MORC3: variants seen among roughly 807,000 people sequenced by gnomAD.
MORC3 encodes the protein MORC family CW-type zinc finger 3, also known as MORC family CW-type zinc finger protein 3.
Under a neutral mutation model 109.1 loss-of-function variants are expected in MORC3, and 31 were observed. That is an observed-to-expected ratio of 0.28 (90% CI 0.21 to 0.38). MORC3 has a LOEUF of 0.38. MORC3 is among the 10% of genes least tolerant of loss of function. The probability of loss-of-function intolerance (pLI) is 1.00; values close to 1 mark genes in which losing one functional copy is unlikely to be tolerated. For missense variants in MORC3, 867 were observed against 1,135.8 expected (o/e 0.76, Z 3.40); for synonymous variants, 395 against 380.7 (o/e 1.04, Z -0.44).
At chr21:36,354,950 A>G (rs1039214402) in intron 9 of MORC3, among the ~76,000 whole-genome samples, 4 of 152,110 alleles carry the variant, frequency 2.6e-5, no homozygotes, top group South Asian at 2.1e-4. Context: ...TATATCCACA[A>G]TCTCTCTGAT....
At position 36,337,943 on chromosome 21, in the gene MORC3, C is replaced by T. The variant is rs772928832; in HGVS notation, c.457C>T (p.His153Tyr). The T allele has an allele frequency of 6.2e-7, 1 of 1,612,616 alleles. No individual in the cohort carries two copies. Among genetic ancestry groups the T allele is most frequent in the Non-Finnish European group, 8.5e-7 (1 of 1,179,504 alleles). The change falls in exon 4 of 17, where the codon CAC (histidine) becomes TAC (tyrosine). Residue 153 changes from histidine (H) to tyrosine (Y), a missense_variant. Physicochemically the swap from His to Tyr is moderately conservative, Grantham distance 83. This residue lies in a region of MORC3 where 134 missense variants were observed against 166.6 expected (regional missense o/e 0.80). Transcript: ENST00000400485. ...VVVPIVAFNK[H>Y]RQMINLAESK... The stretch of plus-strand genomic sequence containing the variant: ...TGTTCCAATAGTGGCATTCAACAAG[C>T]ACCATATCCTTTTGGTTGTGAAATA...
intron 10 of MORC3, among the ~76,000 whole-genome samples, chr21:36,359,581 T>TG (rs1491377045): frequency 8.0e-5 from 6 of 74,586 alleles, no homozygotes; most frequent in Non-Finnish European, 1.4e-4. Flanking sequence ...TTTTTTTTTT[T>TG]GACAGGATCT....
At chr21:36,351,326 A>C (rs868067273) in intron 9 of MORC3, among the ~76,000 whole-genome samples, 27 of 152,078 alleles carry the variant, frequency 1.8e-4, no homozygotes, top group Admixed American at 1.8e-3. Flanking sequence ...TTGGCCTCCC[A>C]AAATGGTGGG....
chr21:36,333,775 T>G, intron 2 of MORC3, 57 bp downstream of exon 2: 3 of 1,314,832 alleles, frequency 2.3e-6, no homozygotes, highest in Non-Finnish European at 3.2e-6. Flanking sequence ...GTGTTTTTTT[T>G]TTTGTTTTGT....
chr21:36,364,062 C>G (rs1373418865), intron 13 of MORC3, 31 bp from the exon 14 acceptor site: 2 of 1,603,202 alleles, frequency 1.2e-6, no homozygotes, highest in Non-Finnish European at 1.7e-6. Flanking sequence ...AGAAATAGTT[C>G]CTTTAAGGTG....
chr21:36,329,324 A>G (rs2085286730), intron 1 of MORC3, among the ~76,000 whole-genome samples: 1 of 151,926 alleles, frequency 6.6e-6, no homozygotes, highest in Admixed American at 6.6e-5. Context: ...GAAAGTTTAC[A>G]AATTTGTGTT....
chr21:36,361,054 A>G (rs1399571686), intron 12 of MORC3, among the ~76,000 whole-genome samples: 2 of 149,354 alleles, frequency 1.3e-5, no homozygotes, highest in East Asian at 2.0e-4. Context: ...CTTGGGCAAC[A>G]AGAGTGAGAC....
At chr21:36,352,871 C>G (rs190521498) in intron 9 of MORC3, among the ~76,000 whole-genome samples, 2 of 150,630 alleles carry the variant, frequency 1.3e-5, no homozygotes, top group African/African-American at 2.4e-5. Flanking sequence ...TCAGGATGCT[C>G]GAGGCAGAAT....
At position 36,357,404 on chromosome 21, in the gene MORC3, G is replaced by A. The variant is rs1285363664; in HGVS notation, c.1208+680G>A. Among the ~76,000 whole-genome samples, 7 of 152,078 alleles carry A rather than the reference G, an allele frequency of 4.6e-5. No individual in the cohort carries two copies. The South Asian group carries it at 6.2e-4, about 14-fold the overall frequency. ...CAGCTCAGTGTATAGACTTCCCATC[G>A]TACTTTTCAATTTTTTTATATTTAA... On this transcript the variant is annotated intron_variant, in intron 10 of 16. Transcript: ENST00000400485.
intron 1 of MORC3, among the ~76,000 whole-genome samples, chr21:36,332,169 T>C (rs1344427173): frequency 6.8e-6 from 1 of 147,920 alleles, no homozygotes; most frequent in Non-Finnish European, 1.5e-5. Context: ...GTGTGGTGGC[T>C]TACACCTGTA....
At chr21:36,320,859 G>GCT (rs1324927186) in intron 1 of MORC3, among the ~76,000 whole-genome samples, 3 of 152,232 alleles carry the variant, frequency 2.0e-5, no homozygotes, top group Non-Finnish European at 4.4e-5. Flanking sequence ...CTGAGCTCGA[G>GCT]CTCTCCTCTT....
intron 5 of MORC3, 55 bp downstream of exon 5, chr21:36,338,976 G>C: frequency 6.3e-7 from 1 of 1,575,264 alleles, no homozygotes; most frequent in Non-Finnish European, 8.7e-7. Context: ...CGTGCAGGGT[G>C]GTGGTGTTAT....
At chr21:36,359,260 A>G (rs555310187) in intron 10 of MORC3, among the ~76,000 whole-genome samples, 2 of 152,260 alleles carry the variant, frequency 1.3e-5, no homozygotes, top group South Asian at 4.1e-4. Flanking sequence ...ACATTGTTCA[A>G]ATTGGCTTGT....
In MORC3 at chr21:36,333,415, A is replaced by G. The variant is rs1300831087; in HGVS notation, c.40-231A>G. On this transcript the variant is annotated intron_variant, in intron 1 of 16. Transcript: ENST00000400485. ...CAGTTATGACATTGTAGACATAAAG[A>G]GGGCAAGGGTTTTGAACCAAGTCTT... is the stretch of plus-strand genomic sequence containing the variant. 6 of 538,858 alleles carry G rather than the reference A, an allele frequency of 1.1e-5. No individual in the cohort carries two copies. In the African/African-American group the frequency reaches 1.1e-4, roughly 10 times the overall value. The allele number at this position is 538,858 out of a possible 1,614,324, so 33.4% of individuals were successfully genotyped here. A position where few individuals can be genotyped will look rare whatever the true frequency, so the allele number is the denominator to read the frequency against.
chr21:36,364,818 G>A (rs748885979), intron 14 of MORC3, among the ~76,000 whole-genome samples: 2 of 151,048 alleles, frequency 1.3e-5, no homozygotes, highest in Non-Finnish European at 2.9e-5. Context: ...TTGGGAGGCC[G>A]AGGTGGGTGG....
intron 10 of MORC3, among the ~76,000 whole-genome samples, chr21:36,358,148 A>G (rs944075244): frequency 7.2e-5 from 11 of 151,942 alleles, no homozygotes; most frequent in Non-Finnish European, 7.4e-5. Flanking sequence ...TGGGAGGCCA[A>G]CCGAGGCGGG....
chr21:36,342,792 G>A (rs1051910523), intron 6 of MORC3, among the ~76,000 whole-genome samples: 12 of 151,888 alleles, frequency 7.9e-5, no homozygotes, highest in African/African-American at 2.9e-4. Flanking sequence ...GCAGAGACGG[G>A]TGGATCACCT....
In MORC3 at chr21:36,344,932, C is replaced by G. The variant is rs774473114; in HGVS notation, c.906C>G (p.Thr302=). 6.2e-7 allele frequency: 1 copy of G among 1,612,286 alleles called. No individual in the cohort carries two copies. Among genetic ancestry groups the G allele is most frequent in the Non-Finnish European group, 8.5e-7 (1 of 1,179,326 alleles). ...PKFLSKTVRI[T]FGFNCRNKDH... is the part of the protein sequence containing the mutation. ...TTAAGTCTAAAACAGTGAGAATTAC[C>G]TTTGGATTCAACTGCAGAAATAAAG... Residue 302 remains threonine, a synonymous_variant, in exon 8 of 17, where the codon ACC becomes ACG. Coordinates refer to ENST00000400485, the MANE Select transcript of MORC3 (RefSeq NM_015358.3).
At chr21:36,358,363 C>T (rs1167198600) in intron 10 of MORC3, among the ~76,000 whole-genome samples, 2 of 151,488 alleles carry the variant, frequency 1.3e-5, no homozygotes, top group East Asian at 2.0e-4. Flanking sequence ...CCAGCCTGGG[C>T]GAAAAGAGTG....
Sources: allele counts gnomAD v4.1 joint callset (sites outside exome capture counted in the v4.1 genomes callset), GRCh38; gene constraint gnomAD v4.1.1; regional missense constraint gnomAD v4.1.1; transcripts MANE v1.5; gene names NCBI Gene and HGNC (gene_info 2026-07-23, HGNC 2026-07-21).